The following MYO1H variants were observed in gnomAD, a reference collection of about 807,000 sequenced individuals.
MYO1H encodes myosin IH, also known as unconventional myosin-Ih.
A neutral mutation model predicts 149.3 loss-of-function variants in MYO1H; 118 were observed. The observed-to-expected ratio is 0.79, with a 90% CI of 0.68 to 0.92. MYO1H has a LOEUF of 0.92. MYO1H is among the 40% of genes least tolerant of loss of function. The pLI is 0.00. For missense variants in MYO1H, 1,212 were observed against 1,280.7 expected, an observed-to-expected ratio of 0.95 and a Z score of 0.82; for synonymous variants, 447 against 465.2, an observed-to-expected ratio of 0.96 and a Z score of 0.50.
intron 29 of MYO1H, 45 bp from the exon 30 acceptor site, chr12:109,444,387 A>C (rs1307934233): frequency 1.3e-5 from 21 of 1,583,820 alleles, no homozygotes; most frequent in Non-Finnish European, 1.8e-5. Context: ...CTGTTTCTTT[A>C]AGCTGTGAAT....
chr12:109,357,471 T>C (rs1275279401), intron 1 of MYO1H, among the ~76,000 whole-genome samples: 2 of 152,220 alleles, frequency 1.3e-5, no homozygotes, highest in Non-Finnish European at 2.9e-5. Context: ...TTGAACAGGG[T>C]TGGCAAACTT....
chr12:109,447,332 T>G, exon 32 of MYO1H: 1 of 745,568 alleles, frequency 1.3e-6, no homozygotes, highest in East Asian at 2.7e-5. Flanking sequence ...TGAGGGGCGT[T>G]AGGCCAAAGC....
chr12:109,312,264 G>A, the MYO1H span, among the ~76,000 whole-genome samples: 1 of 152,076 alleles, frequency 6.6e-6, no homozygotes. Flanking sequence ...CTAGGCTGGA[G>A]TGCAGTGGCA....
chr12:109,323,074 T>C, the MYO1H span, among the ~76,000 whole-genome samples: 1 of 152,256 alleles, frequency 6.6e-6, no homozygotes, highest in East Asian at 1.9e-4. Flanking sequence ...GCCACTGCAC[T>C]CCAACCTGGG....
intron 1 of MYO1H, among the ~76,000 whole-genome samples, chr12:109,382,238 C>G (rs1205289188): frequency 6.6e-6 from 1 of 152,062 alleles, no homozygotes; most frequent in Non-Finnish European, 1.5e-5. Context: ...AATCTTGTAT[C>G]TGATTGGACC....
intron 1 of MYO1H, among the ~76,000 whole-genome samples, chr12:109,377,188 T>G (rs1869102371): frequency 6.6e-6 from 1 of 152,190 alleles, no homozygotes. Flanking sequence ...TAGTCCATTT[T>G]GTGTTGCTAT....
At chr12:109,364,473 C>T (rs997611799) in intron 1 of MYO1H, among the ~76,000 whole-genome samples, 67 of 152,214 alleles carry the variant, frequency 4.4e-4, no homozygotes, top group Middle Eastern at 3.4e-3. Flanking sequence ...ACTGGGCATG[C>T]ACCACTATGC....
At chr12:109,436,603 C>A in intron 22 of MYO1H, 47 bp downstream of exon 22, 1 of 1,360,098 alleles carries the variant, frequency 7.4e-7, no homozygotes, top group Non-Finnish European at 1.0e-6. Flanking sequence ...TTCTCATCTG[C>A]TTGGCACCTG....
intron 1 of MYO1H, among the ~76,000 whole-genome samples, chr12:109,377,174 G>T (rs968947100): frequency 6.6e-6 from 1 of 152,000 alleles, no homozygotes; most frequent in Non-Finnish European, 1.5e-5. Flanking sequence ...ATCTCTTGCC[G>T]TCTTAGTCCA....
chr12:109,430,086 A>C (rs1465360862), intron 19 of MYO1H, among the ~76,000 whole-genome samples: 1 of 152,198 alleles, frequency 6.6e-6, no homozygotes, highest in African/African-American at 2.4e-5. Flanking sequence ...TCACATTGGG[A>C]GTTAGATTTC....
At position 109,368,640 on chromosome 12, in the gene MYO1H, T is replaced by TAAAAAA. The variant is rs56146617; in HGVS notation, c.13-20028_13-20023dup. ...TGGGCAACAAAGCAAGACTCCATCT[T>TAAAAAA]AAAAAAAAAAAAAAAAAAAAGGGTT... On this transcript the variant is annotated intron_variant, in intron 1 of 31. Coordinates refer to ENST00000310903, the Ensembl canonical transcript of MYO1H. 1.2e-3 allele frequency among the ~76,000 whole-genome samples: 139 copies of TAAAAAA among 113,190 alleles called. 1 individual carries two copies. The highest frequency in any genetic ancestry group is 3.5e-3 in the African/African-American group (109 of 31,350). The allele number at this position is 113,190 out of a possible 152,430, so 74.3% of individuals were successfully genotyped here.
chr12:109,366,277 T>A (rs1868863109), intron 1 of MYO1H, among the ~76,000 whole-genome samples: 1 of 152,186 alleles, frequency 6.6e-6, no homozygotes. Flanking sequence ...TGTACCAATG[T>A]CCCATTAACT....
At chr12:109,393,563 C>CCATCCATT (rs1869764143) in intron 3 of MYO1H, 117 bp downstream of exon 3, 9 of 668,486 alleles carry the variant, frequency 1.3e-5, no homozygotes, top group African/African-American at 1.1e-4. Flanking sequence ...ATCCATCCAT[C>CCATCCATT]CATCCATCCA....
rs566168391 is a variant in MYO1H at position 109,399,347 on chromosome 12, T to G, written c.570+1535T>G. 2.0e-5 allele frequency among the ~76,000 whole-genome samples: 3 copies of G among 152,050 alleles called. No homozygotes were observed. The South Asian group carries it at 6.2e-4, about 32-fold the overall frequency. ...TGGCTCGCACCTGTAATCCCAGCACTTTGGGAGGCCGAGGTGGGCAGATCA... is the reference window on the plus strand; with the variant it reads ...TGGCTCGCACCTGTAATCCCAGCACGTTGGGAGGCCGAGGTGGGCAGATCA... On this transcript the variant is annotated intron_variant, in intron 5 of 31. Transcript: ENST00000310903.
intron 25 of MYO1H, 67 bp from the exon 26 acceptor site, chr12:109,441,548 C>A: frequency 9.4e-7 from 1 of 1,068,822 alleles, no homozygotes; most frequent in Admixed American, 2.2e-5. Flanking sequence ...CTCAATGGGT[C>A]TAGAGCTCTT....
chr12:109,333,893 C>T, the MYO1H span, among the ~76,000 whole-genome samples: 1 of 152,118 alleles, frequency 6.6e-6, no homozygotes, highest in African/African-American at 2.4e-5. Flanking sequence ...CCTACCAACC[C>T]AGGGAAATTT....
At chr12:109,315,426 T>C in the MYO1H span, among the ~76,000 whole-genome samples, 1 of 152,230 alleles carries the variant, frequency 6.6e-6, no homozygotes, top group Non-Finnish European at 1.5e-5. Context: ...TATTCTATTT[T>C]CTTTGTATGT....
At chr12:109,362,312 A>C (rs1001500383) in intron 1 of MYO1H, among the ~76,000 whole-genome samples, 8 of 152,208 alleles carry the variant, frequency 5.3e-5, no homozygotes, top group African/African-American at 1.9e-4. Flanking sequence ...TTTGATGTGA[A>C]GTCTGATTTG....
chr12:109,428,351 C>T (rs756842137), intron 19 of MYO1H, among the ~76,000 whole-genome samples: 11 of 152,116 alleles, frequency 7.2e-5, no homozygotes, highest in Non-Finnish European at 1.2e-4. Context: ...CATGGGTTTT[C>T]AAACCACATG....
Sources: allele counts gnomAD v4.1 joint callset (sites outside exome capture counted in the v4.1 genomes callset), GRCh38; gene constraint gnomAD v4.1.1; transcripts MANE v1.5; gene names NCBI Gene and HGNC (gene_info 2026-07-23, HGNC 2026-07-21).